Variants in MALRD1 observed in about 807,000 individuals in gnomAD.
The protein encoded by MALRD1 is MAM and LDL-receptor class A domain-containing protein 1.
MALRD1 carries 247 observed loss-of-function variants against 242.1 expected under a neutral mutation model. That is an observed-to-expected ratio of 1.02 (90% CI 0.92 to 1.13). The LOEUF is 1.13. MALRD1 is among the 50% of genes most tolerant of loss of function. MALRD1 has a pLI of 0.00. For synonymous variants in MALRD1, 995 were observed against 866.6 expected, an observed-to-expected ratio of 1.15 and a Z score of -2.60; for missense variants, 2,989 against 2,533.1, an observed-to-expected ratio of 1.18 and a Z score of -3.86.
chr10:19,247,084 C>A (rs1025488229), intron 18 of MALRD1, among the ~76,000 whole-genome samples: 2 of 151,900 alleles, frequency 1.3e-5, no homozygotes, highest in Non-Finnish European at 2.9e-5. Context: ...AACATATAAT[C>A]AAAAATAGTT....
chr10:19,096,479 T>C (rs1444445239), intron 4 of MALRD1, among the ~76,000 whole-genome samples: 1 of 152,190 alleles, frequency 6.6e-6, no homozygotes, highest in Admixed American at 6.5e-5. Context: ...ACCATACGAC[T>C]CTCTCGGGAT....
chr10:19,559,518 G>A (rs1420124264), intron 32 of MALRD1, among the ~76,000 whole-genome samples: 1 of 151,576 alleles, frequency 6.6e-6, no homozygotes, highest in Non-Finnish European at 1.5e-5. Flanking sequence ...AATTTCTCTT[G>A]GAACTTCGTT....
At chr10:19,142,171 CAAAAAAAA>C (rs529000033) in intron 10 of MALRD1, among the ~76,000 whole-genome samples, 69 of 26,274 alleles carry the variant, frequency 2.6e-3, no homozygotes, top group African/African-American at 0.011. Context: ...GACTCTAACT[CAAAAAAAA>C]AAAAAAAAAA....
At chr10:19,299,472 A>G (rs1287906399) in intron 21 of MALRD1, among the ~76,000 whole-genome samples, 3 of 152,010 alleles carry the variant, frequency 2.0e-5, no homozygotes, top group Admixed American at 6.6e-5. Flanking sequence ...ACAAGAATCT[A>G]TAACTATCCT....
upstream of MALRD1, among the ~76,000 whole-genome samples, chr10:19,047,540 C>T (rs1834368687): frequency 6.6e-6 from 1 of 151,714 alleles, no homozygotes; most frequent in South Asian, 2.1e-4. Context: ...TAAAATGGAA[C>T]TATAAGGATA....
At chr10:19,216,684 G>C (rs895348090) in intron 18 of MALRD1, among the ~76,000 whole-genome samples, 15 of 150,832 alleles carry the variant, frequency 9.9e-5, no homozygotes, top group Non-Finnish European at 1.6e-4. Flanking sequence ...GGTGGCTCAC[G>C]CCTGTAATCC....
At chr10:19,159,695 G>A (rs1175730467) in intron 12 of MALRD1, among the ~76,000 whole-genome samples, 1 of 152,006 alleles carries the variant, frequency 6.6e-6, no homozygotes, top group Non-Finnish European at 1.5e-5. Context: ...TTGAACTTCT[G>A]AATCATGACC....
chr10:19,446,922 C>T (rs1193047292), intron 28 of MALRD1, among the ~76,000 whole-genome samples: 1 of 152,044 alleles, frequency 6.6e-6, no homozygotes, highest in Non-Finnish European at 1.5e-5. Flanking sequence ...TTTTCACTTT[C>T]ACAATTTAGA....
At chr10:19,480,829 C>CT (rs750488529) in intron 29 of MALRD1, among the ~76,000 whole-genome samples, 44 of 151,790 alleles carry the variant, frequency 2.9e-4, no homozygotes, top group Non-Finnish European at 3.2e-4. Context: ...TCTAAACAGG[C>CT]TTTTTTTTGG....
chr10:19,462,436 C>T (rs946235236), intron 29 of MALRD1, among the ~76,000 whole-genome samples: 3 of 152,246 alleles, frequency 2.0e-5, no homozygotes, highest in Non-Finnish European at 4.4e-5. Flanking sequence ...GCATCTCCTT[C>T]TGCCTCCGGA....
At chr10:19,698,988 A>G (rs1187447838) in intron 38 of MALRD1, among the ~76,000 whole-genome samples, 1 of 152,066 alleles carries the variant, frequency 6.6e-6, no homozygotes, top group South Asian at 2.1e-4. Context: ...TGAGAGTTGA[A>G]CAATGAGAAC....
intron 31 of MALRD1, among the ~76,000 whole-genome samples, chr10:19,499,416 C>T (rs1837867703): frequency 6.6e-6 from 1 of 151,422 alleles, no homozygotes; most frequent in Non-Finnish European, 1.5e-5. Context: ...CATAATGTGG[C>T]CTCCTCCAAT....
At chr10:19,608,822 T>C (rs941652447) in intron 35 of MALRD1, among the ~76,000 whole-genome samples, 2 of 151,976 alleles carry the variant, frequency 1.3e-5, no homozygotes, top group South Asian at 2.1e-4. Flanking sequence ...CAAAAGCAAA[T>C]GAAAAAGTGA....
At chr10:19,180,482 G>C (rs1054580180) in intron 14 of MALRD1, among the ~76,000 whole-genome samples, 2 of 152,280 alleles carry the variant, frequency 1.3e-5, no homozygotes, top group South Asian at 4.1e-4. Context: ...AAATAGTCTC[G>C]TCAGTAAATG....
At chr10:19,169,073 T>TA (rs1007771238) in intron 13 of MALRD1, among the ~76,000 whole-genome samples, 1 of 152,174 alleles carries the variant, frequency 6.6e-6, no homozygotes. Context: ...AATAAGCTTT[T>TA]AAAAAATGAG....
chr10:19,459,891 C>T (rs1835847527), intron 29 of MALRD1, among the ~76,000 whole-genome samples: 2 of 151,714 alleles, frequency 1.3e-5, no homozygotes, highest in Non-Finnish European at 2.9e-5. Flanking sequence ...TTTGACCAGA[C>T]ATTTTAGTAA....
At chr10:19,350,271 CTTTTTTT>C (rs202204577) in intron 25 of MALRD1, among the ~76,000 whole-genome samples, 4 of 118,484 alleles carry the variant, frequency 3.4e-5, no homozygotes, top group South Asian at 2.7e-4. Flanking sequence ...TTCTTTTTTT[CTTTTTTT>C]TTTTTTTTTT....
chr10:19,650,659 G>C (rs1840834278), intron 36 of MALRD1, among the ~76,000 whole-genome samples: 1 of 152,246 alleles, frequency 6.6e-6, no homozygotes, highest in East Asian at 1.9e-4. Context: ...TTGTAAAGTA[G>C]GAGATAGGGA....
chr10:19,555,452 T>G (rs1835678127), intron 32 of MALRD1, among the ~76,000 whole-genome samples: 1 of 151,828 alleles, frequency 6.6e-6, no homozygotes, highest in African/African-American at 2.4e-5. Context: ...TTGAAGGAAG[T>G]GGGGAGGTGG....
Sources: allele counts gnomAD v4.1 joint callset (sites outside exome capture counted in the v4.1 genomes callset), GRCh38; gene constraint gnomAD v4.1.1; transcripts MANE v1.5; gene names NCBI Gene and HGNC (gene_info 2026-07-23, HGNC 2026-07-21).